Variants in CDH23 observed in about 807,000 individuals in gnomAD.
The protein encoded by CDH23 is cadherin-23.
A neutral mutation model predicts 317.1 loss-of-function variants in CDH23; 189 were observed. That is an observed-to-expected ratio of 0.60 (90% CI 0.53 to 0.67). The LOEUF (loss-of-function observed/expected upper bound fraction) is 0.67. Among genes scored for constraint, CDH23 ranks in the 30% least tolerant of loss-of-function variants. The pLI is 0.00. For missense variants in CDH23, 4,401 were observed against 4,592.4 expected, an observed-to-expected ratio of 0.96 and a Z score of 1.20; for synonymous variants, 1,839 against 1,876.8, an observed-to-expected ratio of 0.98 and a Z score of 0.52.
chr10:71,759,888 T>TATACACAC (rs1211461244), intron 38 of CDH23, among the ~76,000 whole-genome samples: 1 of 29,946 alleles, frequency 3.3e-5, no homozygotes, highest in South Asian at 1.1e-3. Context: ...CACACACATA[T>TATACACAC]ACACACACAC....
At chr10:71,812,123 G>C (rs1841950709) in intron 66 of CDH23, 108 bp downstream of exon 66, 1 of 1,604,642 alleles carries the variant, frequency 6.2e-7, no homozygotes, top group Non-Finnish European at 8.5e-7. Flanking sequence ...CCCAGGCTGT[G>C]GGCGCCCCCT....
At position 71,399,270 on chromosome 10, in the gene CDH23, C is replaced by T. The variant is rs1401112393; in HGVS notation, c.-6+1952C>T. On this transcript the variant is annotated intron_variant, in intron 1 of 69. Transcript: ENST00000224721. ...TGGGGACTTGTTAGAAATGCAGACTCTTGGGCCCCACCCCAGACCTTCTGA... is the reference window on the plus strand; with the variant it reads ...TGGGGACTTGTTAGAAATGCAGACTTTTGGGCCCCACCCCAGACCTTCTGA... Among the ~76,000 whole-genome samples, 3 of 152,238 alleles carry T rather than the reference C, an allele frequency of 2.0e-5. No homozygotes were observed. In the East Asian group the frequency reaches 5.8e-4, roughly 29 times the overall value.
intron 9 of CDH23, among the ~76,000 whole-genome samples, chr10:71,607,279 A>C (rs956468490): frequency 2.0e-5 from 3 of 152,226 alleles, no homozygotes; most frequent in South Asian, 2.1e-4. Flanking sequence ...GGAAGACAGG[A>C]AGGGCCAGGG....
chr10:71,789,583 C>G (rs1257530071), intron 45 of CDH23, among the ~76,000 whole-genome samples: 1 of 152,204 alleles, frequency 6.6e-6, no homozygotes. Context: ...GTCTCCCCAG[C>G]CCCTGTTCCT....
chr10:71,737,592 C>T (rs1839602098), intron 34 of CDH23: 1 of 437,660 alleles, frequency 2.3e-6, no homozygotes, highest in African/African-American at 2.0e-5. Flanking sequence ...CTGGGAGCCC[C>T]TGAACCCCAC....
chr10:71,472,855 C>T (rs999633815), intron 3 of CDH23, among the ~76,000 whole-genome samples: 4 of 152,158 alleles, frequency 2.6e-5, no homozygotes, highest in Non-Finnish European at 4.4e-5. Flanking sequence ...TAATTGTGCT[C>T]GGAATGAGAT....
intron 1 of CDH23, among the ~76,000 whole-genome samples, chr10:71,430,457 C>T (rs1238399628): frequency 1.3e-5 from 2 of 152,156 alleles, no homozygotes; most frequent in South Asian, 2.1e-4. Context: ...TGCACCACTA[C>T]GCACAGACAG....
chr10:71,646,804 G>T (rs1862911312), intron 14 of CDH23, 187 bp downstream of exon 14: 1 of 1,529,856 alleles, frequency 6.5e-7, no homozygotes, highest in Admixed American at 2.1e-5. Context: ...CCTTGACCTA[G>T]GTTGCAATAT....
At chr10:71,658,226 G>A (rs1863499378) in intron 14 of CDH23, among the ~76,000 whole-genome samples, 2 of 152,174 alleles carry the variant, frequency 1.3e-5, no homozygotes, top group Non-Finnish European at 2.9e-5. Context: ...GGCGTGGAGT[G>A]AGAGGTAGGA....
chr10:71,756,538 A>G lies in CDH23; in HGVS notation c.4845+14617A>G, dbSNP rs141500196. Among the ~76,000 whole-genome samples, 264 of 152,288 alleles carry G rather than the reference A, an allele frequency of 1.7e-3. 1 individual carries two copies. The highest frequency in any genetic ancestry group is 6.0e-3 in the African/African-American group (250 of 41,550). On this transcript the variant is annotated intron_variant, in intron 38 of 69. Transcript: ENST00000224721. The stretch of plus-strand genomic sequence containing the variant: ...TAGCGGTCAAAGTGCTGAGCCAAAG[A>G]GTATGTGCATTTTCTTTTAGGCTAT...
chr10:71,405,969 G>A (rs558697500), intron 1 of CDH23, among the ~76,000 whole-genome samples: 2 of 152,006 alleles, frequency 1.3e-5, no homozygotes, highest in African/African-American at 2.4e-5. Flanking sequence ...CACATGTGCA[G>A]TTTTAAATTT....
rs11598249 is a variant in CDH23, at chr10:71,646,879, C to T, written c.1449+262C>T. 0.29 allele frequency: 415,129 copies of T among 1,432,882 alleles called. 61,521 individuals are homozygous for T. The highest frequency in any genetic ancestry group is 0.32 in the East Asian group (12,831 of 39,862). The allele number at this position is 1,432,882 out of a possible 1,614,324, so 88.8% of individuals were successfully genotyped here. On this transcript the variant is annotated intron_variant, in intron 14 of 69. Transcript: ENST00000224721. ...AGGACACTGGTTTTCTGCCTTTCCCCGAGAGAGACTCAGTGAGGGTGGGCT... is the reference window on the plus strand; with the variant it reads ...AGGACACTGGTTTTCTGCCTTTCCCTGAGAGAGACTCAGTGAGGGTGGGCT...
At chr10:71,686,679 G>A (rs1467901737) in intron 18 of CDH23, among the ~76,000 whole-genome samples, 1 of 152,150 alleles carries the variant, frequency 6.6e-6, no homozygotes, top group Non-Finnish European at 1.5e-5. Context: ...AACTGCCAAA[G>A]ACTGTAACAT....
At chr10:71,423,568 G>A (rs1848910485) in intron 1 of CDH23, among the ~76,000 whole-genome samples, 1 of 152,144 alleles carries the variant, frequency 6.6e-6, no homozygotes, top group Non-Finnish European at 1.5e-5. Context: ...CCAGGGGGGT[G>A]ATGCATTTGC....
intron 2 of CDH23, among the ~76,000 whole-genome samples, chr10:71,444,787 G>A (rs573528978): frequency 6.6e-6 from 1 of 152,192 alleles, no homozygotes; most frequent in Non-Finnish European, 1.5e-5. Flanking sequence ...GGGAGCCCCG[G>A]GTCAGCAGAA....
At chr10:71,461,627 C>T (rs930594210) in intron 3 of CDH23, among the ~76,000 whole-genome samples, 1 of 152,238 alleles carries the variant, frequency 6.6e-6, no homozygotes, top group East Asian at 1.9e-4. Context: ...TCTCCATGCA[C>T]GGTCCATCAC....
At chr10:71,589,150 C>T (rs543124467) in intron 9 of CDH23, among the ~76,000 whole-genome samples, 58 of 151,996 alleles carry the variant, frequency 3.8e-4, no homozygotes, top group Admixed American at 2.4e-3. Context: ...GAGACAGTCT[C>T]ACTCTGTCAC....
rs368440578 is a variant in CDH23 at position 71,793,294 on chromosome 10, C to T, written c.6366C>T (p.Thr2122=). The T allele has an allele frequency of 4.6e-5, 74 of 1,613,810 alleles. No homozygotes were observed. In the Middle Eastern group the frequency reaches 4.9e-4, roughly 11 times the overall value. Residue 2122 remains threonine (T), a synonymous_variant, in exon 48 of 70, where the codon ACC becomes ACT. Transcript: ENST00000224721. ...AQDRFLIHLV[T]GVIRVGNATI... ...ACCGCTTCCTCATTCATCTGGTCAC[C>T]GGGGTCATCCGTGTTGGTAATGCCA...
rs563702453 is a variant in CDH23, at chr10:71,813,162, C to T, written c.9634-82C>T. 6 of 1,320,782 alleles carry T rather than the reference C, an allele frequency of 4.5e-6. No individual in the cohort carries two copies. In the African/African-American group the frequency reaches 5.8e-5, roughly 13 times the overall value. The allele number at this position is 1,320,782 out of a possible 1,614,324, so 81.8% of individuals were successfully genotyped here. On this transcript the variant is annotated intron_variant, in intron 68 of 69. Coordinates refer to ENST00000224721, the MANE Select transcript of CDH23 (RefSeq NM_022124.6). The stretch of plus-strand genomic sequence containing the variant: ...TCACCAGGATCAGATGTCCGTGTAC[C>T]CCTTACTCCCAGAGGGAGTGGGCGA...
Sources: allele counts gnomAD v4.1 joint callset (sites outside exome capture counted in the v4.1 genomes callset), GRCh38; gene constraint gnomAD v4.1.1; transcripts MANE v1.5; gene names NCBI Gene and HGNC (gene_info 2026-07-23, HGNC 2026-07-21).